LGR5: variants seen among roughly 807,000 people sequenced by gnomAD.
LGR5 encodes the protein leucine-rich repeat-containing G protein-coupled receptor 5.
LGR5 carries 54 observed loss-of-function variants against 76.7 expected under a neutral mutation model. The ratio of observed to expected loss-of-function variants is 0.70; its 90% CI spans 0.57 to 0.88. The LOEUF (loss-of-function observed/expected upper bound fraction) is 0.88, where lower values mean the gene tolerates loss of function less well. LGR5 is among the 40% of genes least tolerant of loss of function. LGR5 has a pLI of 0.00. For missense variants in LGR5, 1,078 were observed against 1,073.3 expected, an observed-to-expected ratio of 1.00 and a Z score of -0.06; for synonymous variants, 406 against 421.9, an observed-to-expected ratio of 0.96 and a Z score of 0.46.
At chr12:71,467,421 A>G (rs1204053897) in intron 1 of LGR5, among the ~76,000 whole-genome samples, 1 of 152,142 alleles carries the variant, frequency 6.6e-6, no homozygotes, top group Admixed American at 6.5e-5. Flanking sequence ...AATACCAGGA[A>G]CCCAGTACTG....
intron 1 of LGR5, among the ~76,000 whole-genome samples, chr12:71,485,697 T>G (rs1266051235): frequency 6.6e-6 from 1 of 151,632 alleles, no homozygotes; most frequent in Non-Finnish European, 1.5e-5. Context: ...GCCACTGCAC[T>G]CCAGCCTGGG....
At chr12:71,573,008 T>C in intron 13 of LGR5, 87 bp downstream of exon 13, 1 of 979,942 alleles carries the variant, frequency 1.0e-6, no homozygotes, top group Non-Finnish European at 1.6e-6. Flanking sequence ...TTTCATTGTG[T>C]ACTATTGTGG....
At chr12:71,580,034 T>C (rs1197942269) in intron 15 of LGR5, among the ~76,000 whole-genome samples, 1 of 152,208 alleles carries the variant, frequency 6.6e-6, no homozygotes, top group East Asian at 1.9e-4. Context: ...TTTTCCATCA[T>C]TTGAGTAATG....
intron 1 of LGR5, among the ~76,000 whole-genome samples, chr12:71,490,316 T>A (rs1297746139): frequency 6.6e-6 from 1 of 152,208 alleles, no homozygotes; most frequent in Non-Finnish European, 1.5e-5. Context: ...TGTATATTTT[T>A]TGGCATAAGA....
In LGR5 at chr12:71,583,723, A is replaced by C; in HGVS notation, c.1713A>C (p.Ala571=). The change falls in exon 18 of 18, where the codon GCA becomes GCC. Residue 571 remains alanine, a synonymous_variant. Coordinates refer to ENST00000266674, the MANE Select transcript of LGR5 (RefSeq NM_003667.4). ...GAGTGTGGACCATAGCAGTTCTGGC[A>C]CTTACTTGTAATGCTTTGGTGACTT... ...RIGVWTIAVL[A]LTCNALVTST... is the part of the protein sequence containing the mutation. The C allele has an allele frequency of 1.2e-6, 2 of 1,614,118 alleles. No individual in the cohort carries two copies. Among genetic ancestry groups the C allele is most frequent in the Non-Finnish European group, 1.7e-6 (2 of 1,180,022 alleles).
chr12:71,495,972 A>G (rs1423276052), intron 1 of LGR5, among the ~76,000 whole-genome samples: 1 of 152,240 alleles, frequency 6.6e-6, no homozygotes, highest in Non-Finnish European at 1.5e-5. Flanking sequence ...GGGTATCCTG[A>G]TGGTCAAAGT....
At chr12:71,515,896 TAAG>T (rs1203264985) in intron 2 of LGR5, among the ~76,000 whole-genome samples, 2 of 152,204 alleles carry the variant, frequency 1.3e-5, no homozygotes, top group Admixed American at 1.3e-4. Context: ...CCATGCTCCA[TAAG>T]AAGACTAGAC....
chr12:71,488,025 A>T lies in LGR5; in HGVS notation c.213-16589A>T, dbSNP rs140180390. The stretch of plus-strand genomic sequence containing the variant: ...CTTTTTTAGAAAGCCAGTTTCCTGA[A>T]TTGCTCACCCAGGTATGTGTGGGAG... On this transcript the variant is annotated intron_variant, in intron 1 of 17. Transcript: ENST00000266674. Among the ~76,000 whole-genome samples, 938 of 152,308 alleles carry T rather than the reference A, an allele frequency of 6.2e-3. 11 individuals are homozygous for T. The highest frequency in any genetic ancestry group is 0.021 in the African/African-American group (877 of 41,566).
chr12:71,566,419 T>C lies in LGR5; in HGVS notation c.873T>C (p.Asn291=). 6.3e-7 allele frequency: 1 copy of C among 1,599,802 alleles called. No homozygotes were observed. The highest frequency in any genetic ancestry group is 8.6e-7 in the Non-Finnish European group (1 of 1,167,424). ...TTTCTTTTAGACATTTCTATGACAA[T>C]CCCATCCAGTTTGTTGGGAGATCTG... is the stretch of plus-strand genomic sequence containing the variant. The part of the protein sequence containing the change: ...PSLITIHFYD[N]PIQFVGRSAF... The change falls in exon 9 of 18, where the codon AAT becomes AAC. Residue 291 remains asparagine, a synonymous_variant. Coordinates refer to ENST00000266674, the MANE Select transcript of LGR5 (RefSeq NM_003667.4).
chr12:71,581,087 C>T (rs562025965), intron 16 of LGR5, among the ~76,000 whole-genome samples: 1 of 152,194 alleles, frequency 6.6e-6, no homozygotes, highest in East Asian at 1.9e-4. Flanking sequence ...CTTTTTCATA[C>T]GTACTTCAGA....
At chr12:71,568,550 T>C (rs1309739450) in intron 11 of LGR5, among the ~76,000 whole-genome samples, 1 of 152,206 alleles carries the variant, frequency 6.6e-6, no homozygotes, top group Non-Finnish European at 1.5e-5. Flanking sequence ...ACACATAACA[T>C]TCATAGTAGA....
intron 5 of LGR5, among the ~76,000 whole-genome samples, chr12:71,555,195 G>T (rs1174835374): frequency 2.0e-5 from 3 of 152,034 alleles, no homozygotes. Flanking sequence ...GGAAGGAAAA[G>T]AATTTTTTGT....
At chr12:71,557,614 C>T (rs1877841897) in intron 6 of LGR5, among the ~76,000 whole-genome samples, 1 of 152,148 alleles carries the variant, frequency 6.6e-6, no homozygotes, top group South Asian at 2.1e-4. Context: ...GGACCATATC[C>T]TAGACACTCT....
In LGR5 at chr12:71,578,838, A is replaced by G. The variant is rs913010058; in HGVS notation, c.1315A>G (p.Ile439Val). The G allele has an allele frequency of 5.6e-6, 9 of 1,610,950 alleles. No homozygotes were observed. The highest frequency in any genetic ancestry group is 5.9e-6 in the Non-Finnish European group (7 of 1,178,202). The change falls in exon 15 of 18, where the codon ATA becomes GTA. Residue 439 changes from isoleucine to valine, a missense_variant. Physicochemically the swap from Ile to Val is conservative, Grantham distance 29. Coordinates refer to ENST00000266674, the MANE Select transcript of LGR5 (RefSeq NM_003667.4). ...LSSNLLSSFP[I>V]TGLHGLTHLK... ...GTCCAACCTCCTGTCGTCTTTTCCT[A>G]TAACTGGGTTACATGGTTTAACTCA...
chr12:71,502,146 T>G (rs554985608), intron 1 of LGR5, among the ~76,000 whole-genome samples: 48 of 151,838 alleles, frequency 3.2e-4, no homozygotes, highest in African/African-American at 9.7e-4. Flanking sequence ...ATATGTCAGG[T>G]AGCACAGTAA....
At chr12:71,443,801 G>A (rs1359073247) in intron 1 of LGR5, among the ~76,000 whole-genome samples, 1 of 151,994 alleles carries the variant, frequency 6.6e-6, no homozygotes, top group Admixed American at 6.6e-5. Flanking sequence ...GTCCAGAACA[G>A]CTATTTTATT....
intron 3 of LGR5, among the ~76,000 whole-genome samples, chr12:71,529,843 C>T (rs1451969861): frequency 1.3e-5 from 2 of 151,878 alleles, no homozygotes; most frequent in East Asian, 3.9e-4. Context: ...GTAATCCCAG[C>T]TACTTGGGAG....
chr12:71,485,228 G>A, intron 1 of LGR5, among the ~76,000 whole-genome samples: 1 of 152,270 alleles, frequency 6.6e-6, no homozygotes, highest in Middle Eastern at 3.4e-3. Flanking sequence ...ACTAGGTATT[G>A]TTTTAAGTAC....
rs181911196 is a variant in LGR5 at position 71,566,864 on chromosome 12, C to T, written c.1022C>T (p.Ser341Leu). The T allele has an allele frequency of 1.5e-4, 243 of 1,613,794 alleles. 1 individual carries two copies. The Admixed American group carries it at 4.0e-3, about 27-fold the overall frequency. The change falls in exon 11 of 18, where the codon TCA becomes TTA. Residue 341 changes from serine (S) to leucine (L), a missense_variant. Transcript: ENST00000266674. ...ESLTLTGAQI[S>L]SLPQTVCNQL... ...AGGACTTTAACTGGAGCACAGATCT[C>T]ATCTCTTCCTCAAACCGTCTGCAAT...
Sources: allele counts gnomAD v4.1 joint callset (sites outside exome capture counted in the v4.1 genomes callset), GRCh38; gene constraint gnomAD v4.1.1; transcripts MANE v1.5; gene names NCBI Gene and HGNC (gene_info 2026-07-23, HGNC 2026-07-21).